MARCHF3: variants seen among roughly 807,000 people sequenced by gnomAD.
MARCHF3 encodes the protein membrane associated ring-CH-type finger 3.
Under a neutral mutation model 24.2 loss-of-function variants are expected in MARCHF3, and 13 were observed. That is an observed-to-expected ratio of 0.54 (90% CI 0.35 to 0.85). MARCHF3 has a LOEUF of 0.85. Among genes scored for constraint, MARCHF3 ranks in the 40% least tolerant of loss-of-function variants. The pLI is 0.01. For missense variants in MARCHF3, 276 were observed against 325.0 expected, an observed-to-expected ratio of 0.85 and a Z score of 1.16; for synonymous variants, 144 against 137.3, an observed-to-expected ratio of 1.05 and a Z score of -0.34.
chr5:126,968,340 T>C (rs1326724991), intron 1 of MARCHF3, among the ~76,000 whole-genome samples: 1 of 152,218 alleles, frequency 6.6e-6, no homozygotes, highest in Non-Finnish European at 1.5e-5. Flanking sequence ...CCACACCACT[T>C]TACATTTCCA....
At chr5:126,882,910 T>C (rs1349883069) in intron 3 of MARCHF3, among the ~76,000 whole-genome samples, 1 of 152,228 alleles carries the variant, frequency 6.6e-6, no homozygotes, top group Non-Finnish European at 1.5e-5. Flanking sequence ...TTACACAAGA[T>C]TGGTTGTGGC....
chr5:126,896,263 C>A (rs1397386064), intron 3 of MARCHF3, among the ~76,000 whole-genome samples: 2 of 152,142 alleles, frequency 1.3e-5, no homozygotes, highest in Non-Finnish European at 2.9e-5. Context: ...CAGAAATCAC[C>A]GTCTTCTGTG....
At chr5:126,984,497 C>T (rs1751497008) in intron 1 of MARCHF3, among the ~76,000 whole-genome samples, 1 of 152,320 alleles carries the variant, frequency 6.6e-6, no homozygotes, top group African/African-American at 2.4e-5. Context: ...AGCACAGAAT[C>T]CAACCTAGGC....
At chr5:126,976,985 T>C (rs1179914916) in intron 1 of MARCHF3, among the ~76,000 whole-genome samples, 1 of 152,200 alleles carries the variant, frequency 6.6e-6, no homozygotes, top group Non-Finnish European at 1.5e-5. Context: ...ATATGAGAGG[T>C]GATGCCTGCT....
chr5:126,933,245 C>T (rs1449807290), intron 1 of MARCHF3, among the ~76,000 whole-genome samples: 1 of 152,144 alleles, frequency 6.6e-6, no homozygotes, highest in African/African-American at 2.4e-5. Context: ...ATAAAATATG[C>T]ATCCTGTTCA....
chr5:126,987,839 T>C (rs1751618120), intron 1 of MARCHF3, among the ~76,000 whole-genome samples: 1 of 152,136 alleles, frequency 6.6e-6, no homozygotes, highest in African/African-American at 2.4e-5. Context: ...CCCTACTCCC[T>C]GCCTTAGGTC....
intron 1 of MARCHF3, among the ~76,000 whole-genome samples, chr5:126,986,441 G>A (rs1255786861): frequency 6.6e-6 from 1 of 152,190 alleles, no homozygotes; most frequent in African/African-American, 2.4e-5. Flanking sequence ...TCAAGGTAAT[G>A]TGAATAAACC....
intron 1 of MARCHF3, among the ~76,000 whole-genome samples, chr5:126,934,767 C>A (rs1749589450): frequency 6.6e-6 from 1 of 151,922 alleles, no homozygotes; most frequent in Non-Finnish European, 1.5e-5. Flanking sequence ...GGATACAGAG[C>A]CAAAATAGTC....
intron 1 of MARCHF3, among the ~76,000 whole-genome samples, chr5:127,018,169 A>G (rs1462749188): frequency 6.6e-6 from 1 of 152,106 alleles, no homozygotes; most frequent in Non-Finnish European, 1.5e-5. Flanking sequence ...TCAGGAGTAT[A>G]AGACCAGCCT....
At chr5:126,971,448 C>CAA (rs60881844) in intron 1 of MARCHF3, among the ~76,000 whole-genome samples, 8 of 89,728 alleles carry the variant, frequency 8.9e-5, no homozygotes, top group Non-Finnish European at 9.0e-5. Flanking sequence ...GACTCTGTCT[C>CAA]AAAAAAAAAA....
At chr5:126,918,692 GAGAA>G (rs760552915) in intron 1 of MARCHF3, among the ~76,000 whole-genome samples, 3 of 152,148 alleles carry the variant, frequency 2.0e-5, no homozygotes, top group Non-Finnish European at 4.4e-5. Context: ...TAAAAGGAGA[GAGAA>G]AGAAGGAAGG....
intron 3 of MARCHF3, among the ~76,000 whole-genome samples, chr5:126,880,764 T>C (rs190365546): frequency 7.1e-4 from 108 of 152,266 alleles, no homozygotes; most frequent in African/African-American, 2.5e-3. Flanking sequence ...CCAACCCAAT[T>C]CTCCTCATGG....
At chr5:126,957,233 C>A (rs1028996931) in intron 1 of MARCHF3, among the ~76,000 whole-genome samples, 2 of 151,896 alleles carry the variant, frequency 1.3e-5, no homozygotes, top group East Asian at 3.9e-4. Context: ...ATATTTTTTG[C>A]CTTTTTATTA....
At chr5:126,935,263 C>T (rs1262972353) in intron 1 of MARCHF3, among the ~76,000 whole-genome samples, 1 of 152,110 alleles carries the variant, frequency 6.6e-6, no homozygotes, top group East Asian at 1.9e-4. Flanking sequence ...AAACAGTTTG[C>T]CCTCCCTCAT....
chr5:126,884,146 T>A (rs984937045), intron 3 of MARCHF3, among the ~76,000 whole-genome samples: 3 of 152,208 alleles, frequency 2.0e-5, no homozygotes, highest in African/African-American at 7.2e-5. Flanking sequence ...GGCAGTGTAA[T>A]GATCAGAAGG....
chr5:126,947,490 G>C (rs1042749181), intron 1 of MARCHF3, among the ~76,000 whole-genome samples: 1 of 152,200 alleles, frequency 6.6e-6, no homozygotes, highest in African/African-American at 2.4e-5. Context: ...TAGTGGATAT[G>C]TGTCATTATA....
At chr5:126,893,426 T>TA (rs1176624629) in intron 3 of MARCHF3, among the ~76,000 whole-genome samples, 1 of 151,778 alleles carries the variant, frequency 6.6e-6, no homozygotes, top group African/African-American at 2.4e-5. Context: ...TGTGGGCATT[T>TA]AGTGCTATAA....
chr5:126,962,570 T>C (rs1750672854), intron 1 of MARCHF3, among the ~76,000 whole-genome samples: 2 of 152,130 alleles, frequency 1.3e-5, no homozygotes, highest in Admixed American at 1.3e-4. Flanking sequence ...CCTGACACTC[T>C]GCATTCTGAT....
rs757849978 is a variant in MARCHF3 at position 126,979,948 on chromosome 5, C to CAAAA, written c.-57+50398_-57+50401dup. 8.6e-3 allele frequency among the ~76,000 whole-genome samples: 382 copies of CAAAA among 44,628 alleles called. 6 individuals are homozygous for CAAAA. Among genetic ancestry groups the CAAAA allele is most frequent in the East Asian group, 0.023 (34 of 1,468 alleles). The allele number at this position is 44,628 out of a possible 152,430, so 29.3% of individuals were successfully genotyped here. A position where few individuals can be genotyped will look rare whatever the true frequency, so the allele number is the denominator to read the frequency against. The stretch of plus-strand genomic sequence containing the variant: ...GGGCAACAAGAGCCAAACTCCATCT[C>CAAAA]AAAAAAAAAAAAAAAAAAAAAAAGA... On this transcript the variant is annotated intron_variant, in intron 1 of 4. Coordinates refer to ENST00000308660, the MANE Select transcript of MARCHF3 (RefSeq NM_178450.5).
Sources: gnomAD v4.1 joint callset for allele counts (sites outside exome capture counted in the v4.1 genomes callset) on GRCh38, gnomAD v4.1.1 for gene constraint, MANE v1.5 for transcripts, NCBI Gene and HGNC (gene_info 2026-07-23, HGNC 2026-07-21) for gene names.